CSMD1: variants seen among roughly 807,000 people sequenced by gnomAD.
The protein encoded by CSMD1 is CUB and Sushi multiple domains 1.
CSMD1 carries 213 observed loss-of-function variants against 417.5 expected under a neutral mutation model. The ratio of observed to expected loss-of-function variants is 0.51; its 90% confidence interval spans 0.46 to 0.57. The LOEUF (loss-of-function observed/expected upper bound fraction) is 0.57, where lower values mean the gene tolerates loss of function less well. CSMD1 is among the 20% of genes least tolerant of loss of function. The probability of loss-of-function intolerance (pLI) is 0.00; values close to 1 mark genes in which losing one functional copy is unlikely to be tolerated. For missense variants in CSMD1, 6,923 were observed against 4,529.7 expected, an observed-to-expected ratio of 1.53 and a Z score of -15.17; for synonymous variants, 2,862 against 1,736.8, an observed-to-expected ratio of 1.65 and a Z score of -16.11.
chr8:3,310,887 T>C (rs902772160), intron 23 of CSMD1, among the ~76,000 whole-genome samples: 8 of 152,118 alleles, frequency 5.3e-5, no homozygotes, highest in Non-Finnish European at 1.0e-4. Flanking sequence ...TCTGGAGTTT[T>C]AAAAAAAGTT....
At chr8:4,098,760 G>C (rs867273158) in intron 3 of CSMD1, among the ~76,000 whole-genome samples, 9 of 152,120 alleles carry the variant, frequency 5.9e-5, no homozygotes, top group African/African-American at 1.9e-4. Context: ...TCCTTTGTCA[G>C]ACAGGGATAG....
chr8:3,534,518 CAAA>C (rs566979953), intron 10 of CSMD1, among the ~76,000 whole-genome samples: 3 of 86,542 alleles, frequency 3.5e-5, no homozygotes, highest in Admixed American at 1.2e-4. Context: ...TTCTCAATTA[CAAA>C]AAAAAAAAAA....
At chr8:4,297,654 T>C (rs79149691) in intron 3 of CSMD1, among the ~76,000 whole-genome samples, 1 of 152,276 alleles carries the variant, frequency 6.6e-6, no homozygotes, top group South Asian at 2.1e-4. Flanking sequence ...CACTAGGGTT[T>C]GGATTTTGAC....
In CSMD1 at chr8:4,770,197, A is replaced by G. The variant is rs1477743904; in HGVS notation, c.86-132639T>C. 1.7e-4 allele frequency among the ~76,000 whole-genome samples: 26 copies of G among 149,206 alleles called. 2 individuals are homozygous for G. In the Admixed American group the frequency reaches 1.7e-3, roughly 10 times the overall value. On this transcript the variant is annotated intron_variant, in intron 1 of 69. Transcript: ENST00000635120. Reference sequence around the variant, plus strand: ...TATATAAATTTTTATATTCCTATATACTTATAAATTACTGTATATATATAT... The same window carrying G: ...TATATAAATTTTTATATTCCTATATGCTTATAAATTACTGTATATATATAT...
At chr8:3,623,144 T>C (rs1796336745) in intron 7 of CSMD1, among the ~76,000 whole-genome samples, 2 of 152,326 alleles carry the variant, frequency 1.3e-5, no homozygotes, top group Non-Finnish European at 2.9e-5. Flanking sequence ...AATTAGACAG[T>C]TTGTAAAAGA....
chr8:3,881,837 C>T (rs1206872099), intron 5 of CSMD1, among the ~76,000 whole-genome samples: 3 of 152,060 alleles, frequency 2.0e-5, no homozygotes, highest in East Asian at 1.9e-4. Flanking sequence ...CAAATCCACA[C>T]TGCTCAGGGC....
intron 5 of CSMD1, among the ~76,000 whole-genome samples, chr8:3,979,444 G>A (rs116328739): frequency 0.011 from 1,739 of 152,242 alleles, 34 homozygotes; most frequent in African/African-American, 0.04. Flanking sequence ...TGATAAATGT[G>A]CATGCAACTC....
chr8:4,359,396 A>C (rs941126261), intron 3 of CSMD1, among the ~76,000 whole-genome samples: 6 of 152,224 alleles, frequency 3.9e-5, no homozygotes, highest in African/African-American at 1.4e-4. Flanking sequence ...ACTCACAATA[A>C]CATATTAACT....
chr8:3,056,464 C>T (rs1187296538), intron 49 of CSMD1, among the ~76,000 whole-genome samples: 1 of 152,082 alleles, frequency 6.6e-6, no homozygotes, highest in Non-Finnish European at 1.5e-5. Context: ...ATCTCCTGAA[C>T]TCAACCCATC....
intron 3 of CSMD1, among the ~76,000 whole-genome samples, chr8:4,397,724 C>G (rs755209374): frequency 5.9e-5 from 9 of 151,752 alleles, no homozygotes; most frequent in Admixed American, 2.0e-4. Context: ...AGATTTGAAT[C>G]TCAAAATACA....
In CSMD1 at chr8:4,372,627, G is replaced by A. The variant is rs531750250; in HGVS notation, c.415+47326C>T. Among the ~76,000 whole-genome samples, 217 of 82,804 alleles carry A rather than the reference G, an allele frequency of 2.6e-3. 2 individuals carry two copies. The highest frequency in any genetic ancestry group is 3.0e-3 in the Non-Finnish European group (121 of 40,838). The allele number at this position is 82,804 out of a possible 152,430, so 54.3% of individuals were successfully genotyped here. ...GTTTTTACTGTCAGAAAGTAAGGAA[G>A]TGTTAAAAAAAAAAAAAAAAATCAC... On this transcript the variant is annotated intron_variant, in intron 3 of 69. Transcript: ENST00000635120.
rs112308399 is a variant in CSMD1 at position 3,028,658 on chromosome 8, T to A, written c.7855+661A>T. Among the ~76,000 whole-genome samples the A allele has an allele frequency of 3.1e-3, 470 of 152,344 alleles. 1 individual carries two copies. Among genetic ancestry groups the A allele is most frequent in the African/African-American group, 0.01 (424 of 41,584 alleles). ...ATTATCAAAGACAGTTAAACATTCATGCTTTTGTCTTTTTCAATTTTTATT... is the reference window on the plus strand; with the variant it reads ...ATTATCAAAGACAGTTAAACATTCAAGCTTTTGTCTTTTTCAATTTTTATT... On this transcript the variant is annotated intron_variant, in intron 51 of 69. Coordinates refer to ENST00000635120, the MANE Select transcript of CSMD1 (RefSeq NM_033225.6).
chr8:3,325,748 C>G (rs184101361), intron 23 of CSMD1, among the ~76,000 whole-genome samples: 1 of 152,202 alleles, frequency 6.6e-6, no homozygotes, highest in South Asian at 2.1e-4. Context: ...TGCTTGAACC[C>G]GGGAGGCAGA....
intron 5 of CSMD1, among the ~76,000 whole-genome samples, chr8:3,762,274 TCTGCC>T (rs938830826): frequency 6.6e-6 from 1 of 152,094 alleles, no homozygotes; most frequent in Non-Finnish European, 1.5e-5. Context: ...AGCAGAAATA[TCTGCC>T]CTGCATCCCA....
At chr8:4,239,281 T>C (rs1318288835) in intron 3 of CSMD1, among the ~76,000 whole-genome samples, 1 of 152,220 alleles carries the variant, frequency 6.6e-6, no homozygotes, top group African/African-American at 2.4e-5. Flanking sequence ...CTCTGTTGCA[T>C]CAACTTCTTC....
chr8:3,652,133 ACCACCATCAGAGC>A (rs1797888976), intron 7 of CSMD1, among the ~76,000 whole-genome samples: 3 of 127,388 alleles, frequency 2.4e-5, no homozygotes, highest in African/African-American at 9.6e-5. Flanking sequence ...CAGAGCGCTT[ACCACCATCAGAGC>A]GCTTACCACC....
intron 5 of CSMD1, among the ~76,000 whole-genome samples, chr8:3,876,393 T>G (rs999116449): frequency 2.6e-5 from 4 of 152,240 alleles, no homozygotes; most frequent in African/African-American, 9.6e-5. Context: ...TAAACTTTCC[T>G]GTATTTCTAA....
intron 7 of CSMD1, among the ~76,000 whole-genome samples, chr8:3,624,641 A>G (rs1277874185): frequency 1.3e-5 from 2 of 152,184 alleles, no homozygotes. Context: ...TATACAAAAC[A>G]TGTTCTCATT....
At chr8:3,804,826 A>T (rs567180193) in intron 5 of CSMD1, among the ~76,000 whole-genome samples, 33 of 152,356 alleles carry the variant, frequency 2.2e-4, no homozygotes, top group Middle Eastern at 6.8e-3. Context: ...ATTGAGTACA[A>T]CACATCATAA....
Sources: gnomAD v4.1 joint callset for allele counts (sites outside exome capture counted in the v4.1 genomes callset) on GRCh38, gnomAD v4.1.1 for gene constraint, MANE v1.5 for transcripts, NCBI Gene and HGNC (gene_info 2026-07-23, HGNC 2026-07-21) for gene names.